The following NRXN1 variants were observed in gnomAD, a reference collection of about 807,000 sequenced individuals.
The protein encoded by NRXN1 is neurexin-1.
In NRXN1, 39 loss-of-function variants were observed where a neutral mutation model predicts 150.9. The observed-to-expected ratio is 0.26, with a 90% CI of 0.20 to 0.34. The LOEUF (loss-of-function observed/expected upper bound fraction) is 0.34, where lower values mean the gene tolerates loss of function less well. Ranked by LOEUF, NRXN1 falls within the 10% of genes least tolerant of loss-of-function variation. NRXN1 has a pLI of 1.00. For missense variants in NRXN1, 1,815 were observed against 1,949.9 expected, an observed-to-expected ratio of 0.93 and a Z score of 1.30; for synonymous variants, 924 against 757.0, an observed-to-expected ratio of 1.22 and a Z score of -3.62.
At chr2:50,462,238 G>C (rs779065517) in intron 17 of NRXN1, among the ~76,000 whole-genome samples, 1 of 151,830 alleles carries the variant, frequency 6.6e-6, no homozygotes, top group Non-Finnish European at 1.5e-5. Flanking sequence ...GAAGTATAGA[G>C]TCTTATAGGG....
chr2:50,431,931 G>C (rs971720693), intron 17 of NRXN1, among the ~76,000 whole-genome samples: 3 of 152,026 alleles, frequency 2.0e-5, no homozygotes, highest in African/African-American at 7.2e-5. Context: ...AATCCTATAA[G>C]AAGTCAGGCA....
chr2:50,142,216 T>A (rs1327362285), intron 18 of NRXN1, among the ~76,000 whole-genome samples: 6 of 151,886 alleles, frequency 4.0e-5, no homozygotes, highest in African/African-American at 1.2e-4. Context: ...GATAGACAAA[T>A]ATCACATGTT....
At chr2:49,975,233 T>G (rs1351010653) in intron 21 of NRXN1, among the ~76,000 whole-genome samples, 2 of 151,886 alleles carry the variant, frequency 1.3e-5, no homozygotes, top group African/African-American at 4.8e-5. Context: ...AAAAGTAGCA[T>G]AAAACAATCT....
At chr2:50,651,640 C>G (rs771641481) in intron 5 of NRXN1, among the ~76,000 whole-genome samples, 10 of 151,956 alleles carry the variant, frequency 6.6e-5, no homozygotes, top group South Asian at 2.1e-4. Flanking sequence ...CTGAATGACA[C>G]AGTAAAACTC....
intron 8 of NRXN1, among the ~76,000 whole-genome samples, chr2:50,561,054 T>G (rs1669001047): frequency 6.6e-6 from 1 of 152,180 alleles, no homozygotes. Flanking sequence ...TAGTCTCAAT[T>G]AAATACAACC....
chr2:50,833,578 C>T (rs111560335), intron 5 of NRXN1, among the ~76,000 whole-genome samples: 9 of 152,232 alleles, frequency 5.9e-5, no homozygotes, highest in East Asian at 1.9e-4. Flanking sequence ...TACATTTATA[C>T]GACATTCTCA....
At chr2:51,004,876 T>G (rs1700517274) in intron 2 of NRXN1, among the ~76,000 whole-genome samples, 1 of 151,718 alleles carries the variant, frequency 6.6e-6, no homozygotes, top group Admixed American at 6.6e-5. Flanking sequence ...CTGAAATAGA[T>G]CAAAGGAATG....
At chr2:50,427,322 A>G (rs1025299022) in intron 17 of NRXN1, among the ~76,000 whole-genome samples, 17 of 150,730 alleles carry the variant, frequency 1.1e-4, no homozygotes, top group African/African-American at 4.1e-4. Flanking sequence ...ATTATACAGT[A>G]GTTTAACTGG....
At chr2:50,043,015 A>G (rs1163825149) in intron 21 of NRXN1, among the ~76,000 whole-genome samples, 2 of 152,328 alleles carry the variant, frequency 1.3e-5, no homozygotes, top group Non-Finnish European at 2.9e-5. Context: ...CACTGCTGGC[A>G]GATGAGTCAG....
intron 21 of NRXN1, among the ~76,000 whole-genome samples, chr2:50,033,643 A>G (rs942151874): frequency 3.3e-5 from 5 of 152,234 alleles, no homozygotes; most frequent in African/African-American, 1.2e-4. Context: ...TAGTTAAACC[A>G]AAGAGCTTCT....
At chr2:49,984,978 T>C (rs17492567) in intron 21 of NRXN1, among the ~76,000 whole-genome samples, 17,857 of 152,178 alleles carry the variant, frequency 0.12, 1,162 homozygotes, top group Middle Eastern at 0.23. Context: ...ATCCAATGCA[T>C]GTAATATGTG....
At chr2:50,000,494 A>C (rs988286262) in intron 21 of NRXN1, among the ~76,000 whole-genome samples, 9 of 152,120 alleles carry the variant, frequency 5.9e-5, no homozygotes, top group Non-Finnish European at 7.4e-5. Flanking sequence ...CCTCTAATTA[A>C]ATTAGTGGCC....
At chr2:50,329,675 T>TATATA (rs2076700009) in intron 17 of NRXN1, among the ~76,000 whole-genome samples, 4 of 19,020 alleles carry the variant, frequency 2.1e-4, no homozygotes, top group Non-Finnish European at 2.9e-4. Flanking sequence ...ATATATATAT[T>TATATA]TTTTTTTTTC....
intron 8 of NRXN1, among the ~76,000 whole-genome samples, chr2:50,572,028 G>C (rs1008886911): frequency 3.3e-5 from 5 of 152,150 alleles, no homozygotes; most frequent in African/African-American, 1.2e-4. Context: ...AATTGCAGAA[G>C]GGAGTTATAT....
intron 21 of NRXN1, among the ~76,000 whole-genome samples, chr2:50,030,625 C>T (rs565853908): frequency 8.7e-4 from 132 of 152,162 alleles, no homozygotes; most frequent in African/African-American, 3.1e-3. Flanking sequence ...TAAAGTCTTC[C>T]TTGCCTGTGA....
In NRXN1 at chr2:50,922,878, G is replaced by A. The variant is rs142773406; in HGVS notation, c.791-191C>T. 1.8e-3 allele frequency among the ~76,000 whole-genome samples: 280 copies of A among 151,952 alleles called. 4 individuals are homozygous for A. Among genetic ancestry groups the A allele is most frequent in the African/African-American group, 6.5e-3 (268 of 41,524 alleles). On this transcript the variant is annotated intron_variant, in intron 3 of 22. Transcript: ENST00000401669. ...CTTTGGGGCAAAGTGTTCTAGAACT[G>A]CGTTTTAAACACTGGCATATGCTGC...
chr2:50,085,279 G>C (rs1024263927), intron 19 of NRXN1, among the ~76,000 whole-genome samples: 2 of 152,126 alleles, frequency 1.3e-5, no homozygotes, highest in Non-Finnish European at 1.5e-5. Context: ...TATTTATTAA[G>C]CACCTTCTGT....
chr2:50,094,231 G>C (rs572252288), intron 18 of NRXN1, among the ~76,000 whole-genome samples: 2 of 152,158 alleles, frequency 1.3e-5, no homozygotes, highest in African/African-American at 4.8e-5. Flanking sequence ...ACAAAATGAA[G>C]CATAAAGTTA....
intron 8 of NRXN1, among the ~76,000 whole-genome samples, chr2:50,556,441 G>A (rs961207405): frequency 2.0e-5 from 3 of 150,612 alleles, no homozygotes. Flanking sequence ...CATAACAATT[G>A]ATGATATTTG....
Sources: gnomAD v4.1 joint callset for allele counts (sites outside exome capture counted in the v4.1 genomes callset) on GRCh38, gnomAD v4.1.1 for gene constraint, MANE v1.5 for transcripts, NCBI Gene and HGNC (gene_info 2026-07-23, HGNC 2026-07-21) for gene names.